DOCK4: variants seen among roughly 807,000 people sequenced by gnomAD.
The protein encoded by DOCK4 is dedicator of cytokinesis 4.
Under a neutral mutation model 268.1 loss-of-function variants are expected in DOCK4, and 97 were observed. The observed-to-expected ratio is 0.36, with a 90% confidence interval of 0.31 to 0.43. DOCK4 has a LOEUF of 0.43. Ranked by LOEUF, DOCK4 falls within the 20% of genes least tolerant of loss-of-function variation. The pLI is 1.00. For synonymous variants in DOCK4, 954 were observed against 887.2 expected, an observed-to-expected ratio of 1.08 and a Z score of -1.34; for missense variants, 2,145 against 2,455.7, an observed-to-expected ratio of 0.87 and a Z score of 2.67.
chr7:111,992,764 C>A (rs141360215), intron 5 of DOCK4, among the ~76,000 whole-genome samples: 188 of 152,350 alleles, frequency 1.2e-3, no homozygotes, highest in African/African-American at 4.1e-3. Context: ...ACAACACTCA[C>A]ACTGTCATTA....
intron 30 of DOCK4, chr7:111,808,234 C>T (rs1800821997): frequency 6.6e-6 from 1 of 152,180 alleles, no homozygotes; most frequent in African/African-American, 2.4e-5. Flanking sequence ...ATTTGTTTTC[C>T]AAATATTACT....
At position 112,171,272 on chromosome 7, in the gene DOCK4, A is replaced by G. The variant is rs941154733; in HGVS notation, c.37+34830T>C. Among the ~76,000 whole-genome samples, 3 of 152,238 alleles carry G rather than the reference A, an allele frequency of 2.0e-5. No homozygotes were observed. The South Asian group carries it at 6.2e-4, about 32-fold the overall frequency. ...TTAACCTATTTTCCATAAAGAAATA[A>G]CTAATGAATACAATTACAATCTGCT... is the stretch of plus-strand genomic sequence containing the variant. On this transcript the variant is annotated intron_variant, in intron 1 of 52. Coordinates refer to ENST00000428084, the MANE Select transcript of DOCK4 (RefSeq NM_001363540.2).
intron 44 of DOCK4, 127 bp from the exon 45 acceptor site, chr7:111,742,259 T>C (rs1032703285): frequency 1.6e-5 from 16 of 1,007,734 alleles, no homozygotes; most frequent in Admixed American, 8.0e-5. Context: ...TCTGACAAGG[T>C]AGGAACAGCT....
intron 24 of DOCK4, 118 bp from the exon 25 acceptor site, chr7:111,845,015 A>G (rs1458737626): frequency 1.5e-5 from 20 of 1,359,020 alleles, no homozygotes; most frequent in Non-Finnish European, 2.0e-5. Flanking sequence ...ACCTAAGTGA[A>G]TGATCTCCTT....
intron 23 of DOCK4, among the ~76,000 whole-genome samples, chr7:111,854,325 G>A: frequency 6.6e-6 from 1 of 152,328 alleles, no homozygotes; most frequent in East Asian, 1.9e-4. Context: ...GAAAATCCCT[G>A]TCCTGTTCTG....
rs192253360 is a variant in DOCK4, at chr7:112,063,653, C to T, written c.38-59522G>A. On this transcript the variant is annotated intron_variant, in intron 1 of 52. Coordinates refer to ENST00000428084, the MANE Select transcript of DOCK4 (RefSeq NM_001363540.2). The stretch of plus-strand genomic sequence containing the variant: ...TCATAAAGTCGAAAAATTGTTAAGT[C>T]GGGACTCTGTACAATCATAAGAAAA... Among the ~76,000 whole-genome samples, 319 of 152,174 alleles carry T rather than the reference C, an allele frequency of 2.1e-3. 1 individual carries two copies. Among genetic ancestry groups the T allele is most frequent in the South Asian group, 5.0e-3 (24 of 4,828 alleles).
chr7:111,807,855 G>T (rs1463618482), intron 30 of DOCK4: 1 of 151,192 alleles, frequency 6.6e-6, no homozygotes, highest in Non-Finnish European at 1.5e-5. Flanking sequence ...ATATACCAAG[G>T]CTCCCTCAAG....
intron 1 of DOCK4, among the ~76,000 whole-genome samples, chr7:112,114,780 C>A (rs1201108871): frequency 1.3e-5 from 2 of 152,190 alleles, no homozygotes. Context: ...ACAATCACTA[C>A]AGTTTGGTGC....
intron 1 of DOCK4, among the ~76,000 whole-genome samples, chr7:112,025,013 G>C (rs1802648894): frequency 6.6e-6 from 1 of 151,626 alleles, no homozygotes; most frequent in African/African-American, 2.4e-5. Context: ...CCCAAGTTAA[G>C]AAAGTTAGTT....
At chr7:112,192,223 C>T (rs2116804014) in intron 1 of DOCK4, among the ~76,000 whole-genome samples, 1 of 150,542 alleles carries the variant, frequency 6.6e-6, no homozygotes, top group African/African-American at 2.4e-5. Context: ...AAAGATAAAC[C>T]ATTTTCCAAG....
rs575939290 is a variant in DOCK4 at position 112,159,967 on chromosome 7, A to T, written c.37+46135T>A. Among the ~76,000 whole-genome samples the T allele has an allele frequency of 1.1e-4, 17 of 151,712 alleles. No homozygotes were observed. The South Asian group carries it at 3.5e-3, about 32-fold the overall frequency. ...AAACCCAAAATCCAAAATGCTCCCA[A>T]ATCCAAAATTTCTGGAGTACCAACA... On this transcript the variant is annotated intron_variant, in intron 1 of 52. Transcript: ENST00000428084.
At chr7:111,993,408 G>A (rs1799688410) in intron 5 of DOCK4, among the ~76,000 whole-genome samples, 1 of 152,138 alleles carries the variant, frequency 6.6e-6, no homozygotes, top group Non-Finnish European at 1.5e-5. Context: ...GTTACAGTGG[G>A]GTTCAGAGTG....
At chr7:111,809,269 C>A in intron 29 of DOCK4, 32 bp downstream of exon 29, 3 of 1,480,772 alleles carry the variant, frequency 2.0e-6, no homozygotes, top group Non-Finnish European at 2.8e-6. Flanking sequence ...TAAGAGGCAA[C>A]ATTTCTCACC....
chr7:112,090,203 T>C lies in DOCK4; in HGVS notation c.38-86072A>G, dbSNP rs114122269. Among the ~76,000 whole-genome samples the C allele has an allele frequency of 8.5e-3, 1,295 of 152,248 alleles. 17 individuals are homozygous for C. Among genetic ancestry groups the C allele is most frequent in the African/African-American group, 0.03 (1,238 of 41,524 alleles). ...ATATGTGCTATAAAGGAAAATTATA[T>C]GGTATCATTAGAGGTTCTAAAAAGA... On this transcript the variant is annotated intron_variant, in intron 1 of 52. Transcript: ENST00000428084.
intron 1 of DOCK4, among the ~76,000 whole-genome samples, chr7:112,148,773 TC>T (rs1384396506): frequency 1.3e-5 from 2 of 152,150 alleles, no homozygotes; most frequent in Non-Finnish European, 2.9e-5. Context: ...GAGTAATGCT[TC>T]CCAGATCCTA....
chr7:112,052,970 A>T (rs983548197), intron 1 of DOCK4, among the ~76,000 whole-genome samples: 3 of 152,148 alleles, frequency 2.0e-5, no homozygotes, highest in African/African-American at 7.2e-5. Flanking sequence ...TAATTCACCA[A>T]ACTCCCCGGA....
At chr7:111,842,739 G>C (rs1049615759) in intron 25 of DOCK4, among the ~76,000 whole-genome samples, 1 of 152,154 alleles carries the variant, frequency 6.6e-6, no homozygotes, top group African/African-American at 2.4e-5. Context: ...GGTCACCATG[G>C]CCCAGCAGTA....
intron 1 of DOCK4, among the ~76,000 whole-genome samples, chr7:112,021,556 T>C (rs1250535019): frequency 6.6e-6 from 1 of 152,204 alleles, no homozygotes; most frequent in Non-Finnish European, 1.5e-5. Flanking sequence ...GCAAGTCAGA[T>C]GGGTCCGCTC....
chr7:111,877,709 G>A (rs1035637105), intron 16 of DOCK4, among the ~76,000 whole-genome samples: 3 of 151,992 alleles, frequency 2.0e-5, no homozygotes, highest in African/African-American at 4.8e-5. Context: ...ACTATGTGAG[G>A]GAAATCTCTA....
Sources: allele counts gnomAD v4.1 joint callset (sites outside exome capture counted in the v4.1 genomes callset), GRCh38; gene constraint gnomAD v4.1.1; transcripts MANE v1.5; gene names NCBI Gene and HGNC (gene_info 2026-07-23, HGNC 2026-07-21).